PHLPP1: variants seen among roughly 807,000 people sequenced by gnomAD.
PHLPP1 encodes PH domain and leucine rich repeat protein phosphatase 1.
PHLPP1 carries 42 observed loss-of-function variants against 117.2 expected under a neutral mutation model. The ratio of observed to expected loss-of-function variants is 0.36; its 90% CI spans 0.28 to 0.46. The LOEUF (loss-of-function observed/expected upper bound fraction) is 0.46, where lower values mean the gene tolerates loss of function less well. Among genes scored for constraint, PHLPP1 ranks in the 20% least tolerant of loss-of-function variants. PHLPP1 has a pLI of 1.00. For missense variants in PHLPP1, 2,084 were observed against 2,241.9 expected, an observed-to-expected ratio of 0.93 and a Z score of 1.42; for synonymous variants, 1,042 against 970.7, an observed-to-expected ratio of 1.07 and a Z score of -1.37.
chr18:62,807,379 C>G (rs548402254), intron 1 of PHLPP1, among the ~76,000 whole-genome samples: 2 of 152,208 alleles, frequency 1.3e-5, no homozygotes, highest in Admixed American at 6.5e-5. Context: ...AATTAAAATA[C>G]AATCGTATGT....
intron 1 of PHLPP1, among the ~76,000 whole-genome samples, chr18:62,797,064 GATCTTATTTCATATAA>G (rs921586938): frequency 1.3e-5 from 2 of 152,102 alleles, no homozygotes; most frequent in African/African-American, 2.4e-5. Flanking sequence ...AATCAACATT[GATCTTATTTCATATAA>G]ATCTTATTTC....
At chr18:62,899,567 A>C (rs932615459) in intron 6 of PHLPP1, among the ~76,000 whole-genome samples, 4 of 152,176 alleles carry the variant, frequency 2.6e-5, no homozygotes, top group African/African-American at 4.8e-5. Context: ...CTTACCACAT[A>C]CCTGTAGTTC....
At chr18:62,739,659 A>C (rs1347726221) in intron 1 of PHLPP1, among the ~76,000 whole-genome samples, 1 of 152,152 alleles carries the variant, frequency 6.6e-6, no homozygotes, top group Non-Finnish European at 1.5e-5. Context: ...ATTTAAACAA[A>C]GGAAAGAAAG....
At chr18:62,750,468 CTT>C (rs1911812193) in intron 1 of PHLPP1, among the ~76,000 whole-genome samples, 1 of 152,138 alleles carries the variant, frequency 6.6e-6, no homozygotes, top group South Asian at 2.1e-4. Context: ...TAGCCACTCT[CTT>C]TTACGTAGGA....
rs766950169 is a variant in PHLPP1, at chr18:62,771,211, C to CAAAAA, written c.1576+53967_1576+53971dup. On this transcript the variant is annotated intron_variant, in intron 1 of 16. Transcript: ENST00000262719. ...CCTGGGCGACAGAGTGAGACTGTCT[C>CAAAAA]AAAAAAAAAAAAAAAAAAAGAAAGC... is the stretch of plus-strand genomic sequence containing the variant. Among the ~76,000 whole-genome samples, 17 of 58,706 alleles carry CAAAAA rather than the reference C, an allele frequency of 2.9e-4. No homozygotes were observed. The East Asian group carries it at 7.1e-3, about 24-fold the overall frequency. 38.5% of individuals were successfully genotyped at this position (58,706 alleles called of 152,430 possible). A position where few individuals can be genotyped will look rare whatever the true frequency, so the allele number is the denominator to read the frequency against.
chr18:62,788,441 A>AT (rs1812399501), intron 1 of PHLPP1, among the ~76,000 whole-genome samples: 1 of 152,148 alleles, frequency 6.6e-6, no homozygotes, highest in African/African-American at 2.4e-5. Flanking sequence ...CTCAGTTTAT[A>AT]TTGGAATAGT....
chr18:62,900,251 C>T (rs1442355053), intron 6 of PHLPP1, among the ~76,000 whole-genome samples: 3 of 151,544 alleles, frequency 2.0e-5, no homozygotes, highest in East Asian at 1.9e-4. Context: ...GGGCCAAGAT[C>T]GCACCACTGC....
At chr18:62,875,505 C>G (rs1447421218) in intron 4 of PHLPP1, among the ~76,000 whole-genome samples, 1 of 151,806 alleles carries the variant, frequency 6.6e-6, no homozygotes, top group South Asian at 2.1e-4. Flanking sequence ...CTATATTTAT[C>G]TTGTGTGCTC....
chr18:62,932,374 T>C (rs1909842095), intron 10 of PHLPP1, among the ~76,000 whole-genome samples: 1 of 152,090 alleles, frequency 6.6e-6, no homozygotes, highest in Non-Finnish European at 1.5e-5. Flanking sequence ...CTTCATCAAA[T>C]AAGTAGCCAG....
intron 1 of PHLPP1, among the ~76,000 whole-genome samples, chr18:62,816,340 C>T (rs1380080796): frequency 1.3e-5 from 2 of 152,060 alleles, no homozygotes; most frequent in East Asian, 1.9e-4. Flanking sequence ...CCGAGGTGGG[C>T]GGATCATGAG....
intron 8 of PHLPP1, among the ~76,000 whole-genome samples, chr18:62,914,145 G>A (rs1430355179): frequency 6.6e-6 from 1 of 152,124 alleles, no homozygotes; most frequent in Non-Finnish European, 1.5e-5. Flanking sequence ...ACTTTTCACT[G>A]CCACCATTTT....
chr18:62,845,801 C>T (rs1437409844), intron 3 of PHLPP1, among the ~76,000 whole-genome samples: 1 of 152,164 alleles, frequency 6.6e-6, no homozygotes, highest in Non-Finnish European at 1.5e-5. Flanking sequence ...GCTATCAGTA[C>T]TGTTCTACTG....
intron 4 of PHLPP1, among the ~76,000 whole-genome samples, chr18:62,880,631 TG>T (rs1916153788): frequency 6.7e-6 from 1 of 149,504 alleles, no homozygotes; most frequent in African/African-American, 2.4e-5. Context: ...GGTGAGAAAA[TG>T]AAAAAAAAAT....
At chr18:62,891,918 GAAAT>G (rs1399358110) in intron 4 of PHLPP1, among the ~76,000 whole-genome samples, 3 of 131,820 alleles carry the variant, frequency 2.3e-5, no homozygotes, top group Non-Finnish European at 3.3e-5. Context: ...AAAAAAGAAA[GAAAT>G]ATTTTAATGT....
At chr18:62,817,246 G>A (rs1914307481) in intron 1 of PHLPP1, among the ~76,000 whole-genome samples, 1 of 152,142 alleles carries the variant, frequency 6.6e-6, no homozygotes, top group Non-Finnish European at 1.5e-5. Flanking sequence ...GCCTGGCTCT[G>A]TGGAACTCAA....
At chr18:62,886,893 C>G (rs1485720714) in intron 4 of PHLPP1, among the ~76,000 whole-genome samples, 5 of 152,184 alleles carry the variant, frequency 3.3e-5, no homozygotes, top group Non-Finnish European at 5.9e-5. Context: ...TATTGTAGGA[C>G]AAATGAACAT....
Position 62,874,818 on chromosome 18 carries a change from A to G in PHLPP1, c.2066+14217A>G, listed in dbSNP as rs375008568. ...AAGAAAACCACACAGACGGAGGAGA[A>G]TGGGCAAACTTCACACAGACAGCGA... On this transcript the variant is annotated intron_variant, in intron 4 of 16. Coordinates refer to ENST00000262719, the MANE Select transcript of PHLPP1 (RefSeq NM_194449.4). Among the ~76,000 whole-genome samples, 12 of 152,292 alleles carry G rather than the reference A, an allele frequency of 7.9e-5. No homozygotes were observed. In the East Asian group the frequency reaches 2.3e-3, roughly 30 times the overall value.
intron 1 of PHLPP1, among the ~76,000 whole-genome samples, chr18:62,745,272 A>G (rs976973448): frequency 6.6e-6 from 1 of 152,142 alleles, no homozygotes; most frequent in Non-Finnish European, 1.5e-5. Flanking sequence ...ACTCCAGGAG[A>G]ATATTTAGTT....
intron 4 of PHLPP1, among the ~76,000 whole-genome samples, chr18:62,863,090 A>G (rs1915672168): frequency 6.6e-6 from 1 of 151,676 alleles, no homozygotes; most frequent in Non-Finnish European, 1.5e-5. Flanking sequence ...TTATTAAGAA[A>G]GTAAAGGAAT....
Sources: gnomAD v4.1 joint callset for allele counts (sites outside exome capture counted in the v4.1 genomes callset) on GRCh38, gnomAD v4.1.1 for gene constraint, MANE v1.5 for transcripts, NCBI Gene and HGNC (gene_info 2026-07-23, HGNC 2026-07-21) for gene names.